SPEN: variants seen among roughly 807,000 people sequenced by gnomAD.
The protein encoded by SPEN is spen family transcriptional repressor.
SPEN carries 18 observed loss-of-function variants against 269.9 expected under a neutral mutation model. The observed-to-expected ratio is 0.07, with a 90% confidence interval of 0.05 to 0.10. The LOEUF (loss-of-function observed/expected upper bound fraction) is 0.10. SPEN is among the 10% of genes least tolerant of loss of function. The pLI, the probability that SPEN is intolerant of heterozygous loss-of-function variation, is 1.00. For missense variants in SPEN, 3,822 were observed against 4,631.2 expected, an observed-to-expected ratio of 0.83 and a Z score of 5.07; for synonymous variants, 1,726 against 1,765.7, an observed-to-expected ratio of 0.98 and a Z score of 0.56.
In SPEN at chr1:15,928,577, G is replaced by A. The variant is rs754831313; in HGVS notation, c.2337G>A (p.Lys779=). The A allele has an allele frequency of 2.5e-6, 4 of 1,614,016 alleles. No homozygotes were observed. The highest frequency in any genetic ancestry group is 3.4e-6 in the Non-Finnish European group (4 of 1,180,032). The change falls in exon 11 of 15, where the codon AAG becomes AAA. Residue 779 remains lysine, a synonymous_variant. Transcript: ENST00000375759. This position sits in a 1 kb window ranked among gnomAD's most constrained non-coding sequence, Gnocchi z 5.7. ...LSPPRYEKLD[K]SRLERYTKNE... is the part of the protein sequence containing the mutation. ...CTCCAAGATATGAGAAACTGGACAA[G>A]TCTCGTTTGGAGCGCTATACAAAAA...
intron 1 of SPEN, among the ~76,000 whole-genome samples, chr1:15,858,144 A>G (rs918596316): frequency 6.6e-6 from 1 of 151,712 alleles, no homozygotes; most frequent in Non-Finnish European, 1.5e-5. Context: ...AAGAGAAACA[A>G]GGTCTCACTA....
chr1:15,884,668 GTT>G, intron 3 of SPEN, among the ~76,000 whole-genome samples: 1 of 152,138 alleles, frequency 6.6e-6, no homozygotes, highest in Admixed American at 6.5e-5. Flanking sequence ...CATAGCAGCA[GTT>G]TTAAAATATA....
At chr1:15,851,231 A>G (rs1029670770) in intron 1 of SPEN, among the ~76,000 whole-genome samples, 1 of 152,232 alleles carries the variant, frequency 6.6e-6, no homozygotes, top group African/African-American at 2.4e-5. Flanking sequence ...AGTGCCAAAG[A>G]AAGACCAAAT....
chr1:15,898,250 G>C (rs1389425716), intron 3 of SPEN, among the ~76,000 whole-genome samples: 2 of 150,246 alleles, frequency 1.3e-5, no homozygotes, highest in African/African-American at 2.5e-5. Flanking sequence ...TAAGTGTTCA[G>C]TTCAGTGGCA....
intron 1 of SPEN, among the ~76,000 whole-genome samples, chr1:15,867,929 G>A (rs1271938925): frequency 6.6e-6 from 1 of 151,968 alleles, no homozygotes; most frequent in African/African-American, 2.4e-5. Flanking sequence ...CGCCTCCTGG[G>A]ATCAAGCAAT....
chr1:15,917,453 G>A (rs892012272), intron 6 of SPEN, among the ~76,000 whole-genome samples: 8 of 152,062 alleles, frequency 5.3e-5, no homozygotes, highest in Non-Finnish European at 5.9e-5. Context: ...GCAGTGGTGC[G>A]ATCTTGGCTC....
Position 15,928,723 on chromosome 1 carries a change from T to C in SPEN, c.2483T>C (p.Val828Ala), listed in dbSNP as rs202182104. The C allele has an allele frequency of 2.9e-5, 47 of 1,613,850 alleles. 1 individual carries two copies. The Admixed American group carries it at 7.0e-4, about 24-fold the overall frequency. ...GACAAGCAGAAACGCAAAGGAAAGG[T>C]TCACTCCCCTAGTTCTCAGTCTTCA... ...KTDKQKRKGK[V>A]HSPSSQSSET... Residue 828 changes from valine (V) to alanine (A), a missense_variant, in exon 11 of 15, where the codon GTT becomes GCT. Val to Ala is a moderately conservative substitution (Grantham distance 64). Around this residue, in one of 16 missense-constraint regions of SPEN, gnomAD observed 572 missense variants for 582.6 expected, o/e 0.98. Transcript: ENST00000375759. This position sits in a 1 kb window ranked among gnomAD's most constrained non-coding sequence, Gnocchi z 5.7.
chr1:15,867,404 C>A (rs1294890159), intron 1 of SPEN, among the ~76,000 whole-genome samples: 1 of 152,228 alleles, frequency 6.6e-6, no homozygotes, highest in East Asian at 1.9e-4. Flanking sequence ...CACCATGTTG[C>A]GCAGGCTGGT....
chr1:15,934,024 A>G lies in SPEN; in HGVS notation c.7784A>G (p.Glu2595Gly). 1 of 1,613,866 alleles carries G rather than the reference A, an allele frequency of 6.2e-7. No homozygotes were observed. Among genetic ancestry groups the G allele is most frequent in the Non-Finnish European group, 8.5e-7 (1 of 1,179,806 alleles). Residue 2595 changes from glutamate (E) to glycine (G), a missense_variant, in exon 11 of 15, where the codon GAG (glutamate) becomes GGG (glycine). By Grantham distance (98) the Glu-to-Gly change is moderately conservative. Transcript: ENST00000375759. This position sits in a 1 kb window ranked among gnomAD's most constrained non-coding sequence, Gnocchi z 9.2. Reference sequence around the variant, plus strand: ...GCACCTCCAGTGACAAACAACTCTGAGATACAAGCCTCGGAGGTGCTGGTA... The same window carrying G: ...GCACCTCCAGTGACAAACAACTCTGGGATACAAGCCTCGGAGGTGCTGGTA... ...KTAPPVTNNS[E>G]IQASEVLVAA...
At chr1:15,884,481 AC>A (rs1054687527) in intron 3 of SPEN, among the ~76,000 whole-genome samples, 5 of 152,230 alleles carry the variant, frequency 3.3e-5, no homozygotes, top group Admixed American at 2.6e-4. Flanking sequence ...GGTGAGGAAA[AC>A]CATTAAGAAT....
At chr1:15,873,251 T>C in intron 2 of SPEN, 115 bp downstream of exon 2, 1 of 1,413,456 alleles carries the variant, frequency 7.1e-7, no homozygotes, top group African/African-American at 1.4e-5. Context: ...CAATGTTTCC[T>C]ATTTTGGGTT....
chr1:15,873,971 A>T, intron 2 of SPEN: 1 of 1,198,420 alleles, frequency 8.3e-7, no homozygotes, highest in Non-Finnish European at 1.1e-6. Context: ...TCAGTTGTGG[A>T]TACAGCAATC....
rs775638002 is a variant in SPEN, at chr1:15,876,627, G to A, written c.830G>A (p.Arg277Lys). Residue 277 changes from arginine (R) to lysine (K), a missense_variant, in exon 3 of 15, where the codon AGA becomes AAA. By Grantham distance (26) the Arg-to-Lys change is conservative. Transcript: ENST00000375759. ...RSPSGSGSRS[R>K]SSSSDSISSS... The stretch of plus-strand genomic sequence containing the variant: ...CCTAGCGGCAGCGGCTCTAGAAGTA[G>A]ATCCTCCAGTAGTGATTCAATCAGC... The A allele has an allele frequency of 3.7e-6, 6 of 1,613,844 alleles. No individual in the cohort carries two copies. The East Asian group carries it at 1.1e-4, about 30-fold the overall frequency.
rs757518984 is a variant in SPEN at position 15,937,478 on chromosome 1, C to G, written c.10342C>G (p.Pro3448Ala). ...GAAGCCTGACCTTCCAGTCTCTCTTCCCACTCAGACTGCCCCAAAACAGCC... is the reference window on the plus strand; with the variant it reads ...GAAGCCTGACCTTCCAGTCTCTCTTGCCACTCAGACTGCCCCAAAACAGCC... ...SMKPDLPVSL[P>A]TQTAPKQPLF... The change falls in exon 12 of 15, where the codon CCC (proline) becomes GCC (alanine). Residue 3448 changes from proline (P) to alanine (A), a missense_variant. Physicochemically the swap from Pro to Ala is conservative, Grantham distance 27. Transcript: ENST00000375759. The surrounding 1 kb of genome is among the most constrained non-coding windows in gnomAD (Gnocchi z 5.7). 40 of 1,613,908 alleles carry G rather than the reference C, an allele frequency of 2.5e-5. No individual in the cohort carries two copies. The highest frequency in any genetic ancestry group is 3.3e-5 in the Non-Finnish European group (39 of 1,180,052).
At chr1:15,905,314 C>G (rs11590647) in intron 3 of SPEN, among the ~76,000 whole-genome samples, 15,220 of 151,120 alleles carry the variant, frequency 0.1, 1,020 homozygotes, top group African/African-American at 0.18. Flanking sequence ...CTCCGCCTCC[C>G]GGGTTCAAGC....
At chr1:15,852,022 TG>T (rs1318934347) in intron 1 of SPEN, among the ~76,000 whole-genome samples, 1 of 152,182 alleles carries the variant, frequency 6.6e-6, no homozygotes, top group African/African-American at 2.4e-5. Flanking sequence ...AAATGTAATT[TG>T]TTTTTGCTGA....
chr1:15,916,801 A>G (rs766542900), intron 6 of SPEN, among the ~76,000 whole-genome samples: 2 of 152,166 alleles, frequency 1.3e-5, no homozygotes, highest in Non-Finnish European at 2.9e-5. Flanking sequence ...GTGGATTGAA[A>G]GGAAAATCTG....
chr1:15,851,334 C>T (rs2070332911), intron 1 of SPEN, among the ~76,000 whole-genome samples: 1 of 151,870 alleles, frequency 6.6e-6, no homozygotes, highest in African/African-American at 2.4e-5. Flanking sequence ...TTTCAGTTTG[C>T]GGATTTAAAA....
intron 3 of SPEN, among the ~76,000 whole-genome samples, chr1:15,890,558 GT>G (rs1174783667): frequency 1.4e-3 from 183 of 129,752 alleles, no homozygotes; most frequent in African/African-American, 2.0e-3. Context: ...TTTGACTCAG[GT>G]TTTTTTTTTT....
Sources: gnomAD v4.1 joint callset for allele counts (sites outside exome capture counted in the v4.1 genomes callset) on GRCh38, gnomAD v4.1.1 for gene constraint, gnomAD v4.1.1 regional missense constraint, Gnocchi (gnomAD v3.1) non-coding constraint, MANE v1.5 for transcripts, NCBI Gene and HGNC (gene_info 2026-07-23, HGNC 2026-07-21) for gene names.